Variants in ATP10D observed in about 807,000 individuals in gnomAD.
ATP10D encodes ATPase phospholipid transporting 10D (putative).
In ATP10D, 89 loss-of-function variants were observed where a neutral mutation model predicts 144.8. That is an observed-to-expected ratio of 0.61 (90% confidence interval 0.52 to 0.73). The LOEUF (loss-of-function observed/expected upper bound fraction) is 0.73, where lower values mean the gene tolerates loss of function less well. ATP10D is among the 30% of genes least tolerant of loss of function. ATP10D has a pLI of 0.00. For missense variants in ATP10D, 1,603 were observed against 1,714.8 expected (o/e 0.93, Z 1.15); for synonymous variants, 571 against 615.1 (o/e 0.93, Z 1.06).
intron 1 of ATP10D, chr4:47,491,288 A>C: frequency 1.1e-6 from 1 of 897,860 alleles, no homozygotes; most frequent in African/African-American, 1.7e-5. Flanking sequence ...CAGTTTTGCC[A>C]TGGTAACACT....
At chr4:47,567,620 A>G (rs1056052599) in intron 15 of ATP10D, among the ~76,000 whole-genome samples, 13 of 152,222 alleles carry the variant, frequency 8.5e-5, no homozygotes, top group Non-Finnish European at 1.0e-4. Flanking sequence ...ACCAAACTCC[A>G]AAAGAGTTTT....
chr4:47,515,787 T>C, intron 3 of ATP10D, 117 bp downstream of exon 3: 1 of 773,556 alleles, frequency 1.3e-6, no homozygotes, highest in South Asian at 2.5e-5. Flanking sequence ...GTTGGTGTTG[T>C]TGCTATTGTT....
intron 3 of ATP10D, among the ~76,000 whole-genome samples, chr4:47,521,017 C>A (rs942137504): frequency 6.6e-6 from 1 of 152,196 alleles, no homozygotes; most frequent in Admixed American, 6.5e-5. Flanking sequence ...ATACAGGACT[C>A]CTCTGTGGCT....
At chr4:47,559,181 G>T in intron 13 of ATP10D, 152 bp downstream of exon 13, 1 of 591,528 alleles carries the variant, frequency 1.7e-6, no homozygotes, top group South Asian at 2.4e-5. Context: ...TCCATATATT[G>T]GTTGGTTGAA....
intron 5 of ATP10D, among the ~76,000 whole-genome samples, chr4:47,532,562 C>T (rs113377747): frequency 2.0e-5 from 3 of 152,290 alleles, no homozygotes; most frequent in African/African-American, 7.2e-5. Flanking sequence ...GAGAATCAGC[C>T]TAGGTAGATA....
chr4:47,542,672 T>G (rs1718209103), intron 9 of ATP10D, among the ~76,000 whole-genome samples: 1 of 151,730 alleles, frequency 6.6e-6, no homozygotes, highest in African/African-American at 2.4e-5. Flanking sequence ...AGAGATGGGG[T>G]TTCGCCATGT....
At chr4:47,498,536 A>C (rs973023790) in intron 1 of ATP10D, among the ~76,000 whole-genome samples, 4 of 152,200 alleles carry the variant, frequency 2.6e-5, no homozygotes, top group Non-Finnish European at 5.9e-5. Flanking sequence ...AGATGGAATT[A>C]ACCAAGTATA....
At chr4:47,585,978 A>C (rs1444330824) in intron 21 of ATP10D, among the ~76,000 whole-genome samples, 1 of 152,194 alleles carries the variant, frequency 6.6e-6, no homozygotes, top group Non-Finnish European at 1.5e-5. Flanking sequence ...TATCTCTTTG[A>C]TATACTGATT....
At chr4:47,532,738 C>A (rs1301421341) in intron 5 of ATP10D, among the ~76,000 whole-genome samples, 6 of 152,156 alleles carry the variant, frequency 3.9e-5, no homozygotes, top group Admixed American at 3.9e-4. Flanking sequence ...TGACATCCTC[C>A]CTATTTGTGA....
intron 10 of ATP10D, among the ~76,000 whole-genome samples, chr4:47,548,757 T>C (rs11729247): frequency 0.24 from 36,169 of 152,162 alleles, 4,304 homozygotes; most frequent in Admixed American, 0.3. Flanking sequence ...ATAACTAGGT[T>C]ATGGTCTTCC....
intron 9 of ATP10D, among the ~76,000 whole-genome samples, chr4:47,542,748 G>A (rs1370419820): frequency 6.6e-6 from 1 of 152,148 alleles, no homozygotes; most frequent in African/African-American, 2.4e-5. Flanking sequence ...CAAAGTGCTG[G>A]GATTGCAGGC....
intron 10 of ATP10D, among the ~76,000 whole-genome samples, chr4:47,547,975 C>T (rs1399033759): frequency 6.6e-6 from 1 of 152,152 alleles, no homozygotes; most frequent in African/African-American, 2.4e-5. Flanking sequence ...GTACACAGTT[C>T]ATTCTGTGTA....
chr4:47,546,309 T>G (rs1187297433), intron 9 of ATP10D, among the ~76,000 whole-genome samples: 2 of 137,076 alleles, frequency 1.5e-5, no homozygotes, highest in African/African-American at 5.7e-5. Flanking sequence ...GAGATTCAGA[T>G]GACAAGTGGA....
intron 3 of ATP10D, among the ~76,000 whole-genome samples, chr4:47,519,299 C>T (rs1308401862): frequency 6.6e-6 from 1 of 152,116 alleles, no homozygotes; most frequent in Non-Finnish European, 1.5e-5. Flanking sequence ...TCCAACTTTT[C>T]CCAATGCTTG....
At chr4:47,588,198 A>G (rs1454723050) in intron 22 of ATP10D, among the ~76,000 whole-genome samples, 2 of 152,130 alleles carry the variant, frequency 1.3e-5, no homozygotes, top group African/African-American at 4.8e-5. Context: ...ATAGTATTGT[A>G]TGGGATGGAA....
chr4:47,575,399 T>C (rs553075567), intron 18 of ATP10D, among the ~76,000 whole-genome samples: 105 of 152,296 alleles, frequency 6.9e-4, no homozygotes, highest in South Asian at 2.3e-3. Flanking sequence ...GCCTGGACTC[T>C]AGGGTCACCA....
At chr4:47,510,717 G>C (rs1395060548) in intron 1 of ATP10D, among the ~76,000 whole-genome samples, 1 of 152,152 alleles carries the variant, frequency 6.6e-6, no homozygotes, top group African/African-American at 2.4e-5. Flanking sequence ...AGTTAGTCCT[G>C]TTTGGACTCT....
intron 1 of ATP10D, among the ~76,000 whole-genome samples, chr4:47,508,977 C>T (rs1336849573): frequency 6.6e-6 from 1 of 152,130 alleles, no homozygotes; most frequent in Non-Finnish European, 1.5e-5. Context: ...GCTTTCCTAT[C>T]ATATCTTAAA....
rs774990884 is a variant in ATP10D, at chr4:47,554,886, T to C, written c.1796T>C (p.Val599Ala). The C allele has an allele frequency of 1.9e-6, 3 of 1,614,038 alleles. No individual in the cohort carries two copies. Among genetic ancestry groups the C allele is most frequent in the Admixed American group, 3.3e-5 (2 of 59,990 alleles). Residue 599 changes from valine (V) to alanine (A), a missense_variant, in exon 11 of 23, where the codon GTT becomes GCT. Coordinates refer to ENST00000273859, the MANE Select transcript of ATP10D (RefSeq NM_020453.4). Reference sequence around the variant, plus strand: ...TTGGCAATTTGCAACACAGTAGTGGTTTCTGCTCCTAACCAACCCCGACAA... The same window carrying C: ...TTGGCAATTTGCAACACAGTAGTGGCTTCTGCTCCTAACCAACCCCGACAA... ...IALAICNTVVVSAPNQPRQKI... is the reference protein window; with the variant it reads ...IALAICNTVVASAPNQPRQKI...
Sources: gnomAD v4.1 joint callset for allele counts (sites outside exome capture counted in the v4.1 genomes callset) on GRCh38, gnomAD v4.1.1 for gene constraint, MANE v1.5 for transcripts, NCBI Gene and HGNC (gene_info 2026-07-23, HGNC 2026-07-21) for gene names.